Variants in HSP90AA1 observed in about 807,000 individuals in gnomAD.
HSP90AA1 encodes the protein heat shock protein HSP 90-alpha.
Under a neutral mutation model 73.3 loss-of-function variants are expected in HSP90AA1, and 18 were observed. The ratio of observed to expected loss-of-function variants is 0.25; its 90% CI spans 0.17 to 0.36. The LOEUF (loss-of-function observed/expected upper bound fraction) is 0.36, where lower values mean the gene tolerates loss of function less well. Among genes scored for constraint, HSP90AA1 ranks in the 10% least tolerant of loss-of-function variants. The pLI is 1.00. For synonymous variants in HSP90AA1, 477 were observed against 296.9 expected (o/e 1.61, Z -6.24); for missense variants, 704 against 874.2 (o/e 0.81, Z 2.45).
chr14:102,115,800 G>C lies in HSP90AA1; in HGVS notation c.156-13715C>G, dbSNP rs139956251. Among the ~76,000 whole-genome samples, 66 of 152,096 alleles carry C rather than the reference G, an allele frequency of 4.3e-4. 1 individual carries two copies. The highest frequency in any genetic ancestry group is 1.5e-3 in the African/African-American group (63 of 41,490). Reference sequence around the variant, plus strand: ...TCTAAAAAAAATTTTTTAGAGATGGGGTCTCCCTATGTTGTCTAGGCTAGC... The same window carrying C: ...TCTAAAAAAAATTTTTTAGAGATGGCGTCTCCCTATGTTGTCTAGGCTAGC... On this transcript the variant is annotated intron_variant, in intron 1 of 11. Coordinates refer to the HSP90AA1 transcript ENST00000334701.
At chr14:102,127,499 C>G (rs74438694) in intron 1 of HSP90AA1, among the ~76,000 whole-genome samples, 6,804 of 152,158 alleles carry the variant, frequency 0.045, 181 homozygotes, top group Middle Eastern at 0.068. Context: ...GGTTTGGAAC[C>G]CACATTTCAG....
At position 102,133,937 on chromosome 14, in the gene HSP90AA1, G is replaced by T. The variant is rs373566205; in HGVS notation, c.155+5313C>A. On this transcript the variant is annotated intron_variant, in intron 1 of 11. Transcript: ENST00000334701. ...AGGCAGAGGTGGGTTGATTGCTTGA[G>T]CCCAGGAGTTTGGGACCTGCCTGGC... 2.6e-5 allele frequency among the ~76,000 whole-genome samples: 4 copies of T among 152,150 alleles called. No individual in the cohort carries two copies. In the East Asian group the frequency reaches 7.7e-4, roughly 29 times the overall value.
chr14:102,109,927 G>A (rs2049616601), intron 1 of HSP90AA1, among the ~76,000 whole-genome samples: 2 of 152,042 alleles, frequency 1.3e-5, no homozygotes. Flanking sequence ...TGGAGCAAAG[G>A]TGACTCGTTA....
intron 2 of HSP90AA1, among the ~76,000 whole-genome samples, chr14:102,097,874 C>T (rs1338940619): frequency 6.6e-6 from 1 of 152,138 alleles, no homozygotes; most frequent in Non-Finnish European, 1.5e-5. Context: ...TGGGCTGGGC[C>T]TACCGGTCCT....
upstream of HSP90AA1, chr14:102,087,059 G>A (rs1186380722): frequency 5.1e-6 from 5 of 985,284 alleles, no homozygotes; most frequent in African/African-American, 5.2e-5. Context: ...CGCCACCCCC[G>A]CGCCTGCCTT....
At position 102,081,769 on chromosome 14, in the gene HSP90AA1, T is replaced by G. The variant is rs2152609482; in HGVS notation, c.2142A>C (p.Glu714Asp). 6.3e-7 allele frequency: 1 copy of G among 1,599,222 alleles called. No individual in the cohort carries two copies. The highest frequency in any genetic ancestry group is 2.2e-5 in the East Asian group (1 of 44,810). The change falls in exon 11 of 11, where the codon GAA becomes GAC. Residue 714 changes from glutamate (E) to aspartate (D), a missense_variant. Glu to Asp is a conservative substitution (Grantham distance 45). Coordinates refer to ENST00000216281, the MANE Select transcript of HSP90AA1 (RefSeq NM_005348.4). ...CATCTCCTTCAAGGGGTGGCATTTCTTCAGTTACAGCAGCACTGGTATCAT... is the reference window on the plus strand; with the variant it reads ...CATCTCCTTCAAGGGGTGGCATTTCGTCAGTTACAGCAGCACTGGTATCAT... ...TADDTSAAVTEEMPPLEGDDD... is the reference protein window; with the variant it reads ...TADDTSAAVTDEMPPLEGDDD...
At chr14:102,117,226 T>G (rs2049718406) in intron 1 of HSP90AA1, among the ~76,000 whole-genome samples, 1 of 152,014 alleles carries the variant, frequency 6.6e-6, no homozygotes, top group Non-Finnish European at 1.5e-5. Flanking sequence ...TTGTAGGAAG[T>G]AGACCGGCTC....
At chr14:102,119,500 G>C (rs1290904752) in intron 1 of HSP90AA1, among the ~76,000 whole-genome samples, 1 of 151,520 alleles carries the variant, frequency 6.6e-6, no homozygotes, top group Non-Finnish European at 1.5e-5. Flanking sequence ...TTGTTTGTTT[G>C]TTTTTTTGAG....
intron 1 of HSP90AA1, among the ~76,000 whole-genome samples, chr14:102,138,430 A>C (rs1196665903): frequency 1.3e-5 from 2 of 152,244 alleles, no homozygotes; most frequent in Non-Finnish European, 1.5e-5. Flanking sequence ...AAGTCGGATA[A>C]CATCAAAACA....
Position 102,082,093 on chromosome 14 carries a change from A to T in HSP90AA1, c.2089+18T>A. 1 of 1,507,916 alleles carries T rather than the reference A, an allele frequency of 6.6e-7. No homozygotes were observed. The highest frequency in any genetic ancestry group is 9.2e-7 in the Non-Finnish European group (1 of 1,083,896). 93.4% of individuals were successfully genotyped at this position (1,507,916 alleles called of 1,614,324 possible). On this transcript the variant is annotated intron_variant, in intron 10 of 10. Transcript: ENST00000216281. ...GTGTGTTTATTTTCTTTTTAACATT[A>T]CATAGTATAAGGCTTACCCAGACCA... is the stretch of plus-strand genomic sequence containing the variant.
chr14:102,087,739 C>T (rs1351195877), upstream of HSP90AA1, among the ~76,000 whole-genome samples: 1 of 152,134 alleles, frequency 6.6e-6, no homozygotes, highest in Non-Finnish European at 1.5e-5. Flanking sequence ...GCGCTCCCTA[C>T]TTTTGGGTTC....
At chr14:102,114,749 C>T (rs192737886) in intron 1 of HSP90AA1, among the ~76,000 whole-genome samples, 309 of 152,194 alleles carry the variant, frequency 2.0e-3, no homozygotes, top group Admixed American at 0.011. Context: ...ACTGTAATCC[C>T]GGCACTTTGG....
intron 3 of HSP90AA1, 147 bp downstream of exon 3, chr14:102,085,611 C>A: frequency 7.6e-7 from 1 of 1,313,626 alleles, no homozygotes. Context: ...CCAAGTCATG[C>A]CATTACACTA....
At chr14:102,082,927 CAT>C (rs1205356018) in intron 9 of HSP90AA1, 105 bp downstream of exon 9, 45 of 1,221,754 alleles carry the variant, frequency 3.7e-5, no homozygotes, top group South Asian at 1.2e-4. Flanking sequence ...CCACACACAA[CAT>C]AGTTTTCTGT....
chr14:102,081,982 AC>A, intron 10 of HSP90AA1, 128 bp downstream of exon 10: 1 of 791,764 alleles, frequency 1.3e-6, no homozygotes, highest in Non-Finnish European at 2.2e-6. Flanking sequence ...CCTAAAAAAA[AC>A]ATACTTTAAT....
chr14:102,081,867 C>T, intron 10 of HSP90AA1, 46 bp from the exon 11 acceptor site: 1 of 942,086 alleles, frequency 1.1e-6, no homozygotes, highest in Non-Finnish European at 1.8e-6. Flanking sequence ...TTCTTAAAGC[C>T]AGCTATTAGG....
exon 1 of HSP90AA1, chr14:102,139,346 C>A (rs749017778): frequency 6.2e-7 from 1 of 1,612,348 alleles, no homozygotes. Flanking sequence ...GGGACAGTCC[C>A]TGTCCCGAAG....
intron 1 of HSP90AA1, among the ~76,000 whole-genome samples, chr14:102,126,302 G>A (rs2049837847): frequency 6.6e-6 from 1 of 152,122 alleles, no homozygotes; most frequent in African/African-American, 2.4e-5. Context: ...TCAGTAAGGG[G>A]ACACGTGGAC....
intron 1 of HSP90AA1, among the ~76,000 whole-genome samples, chr14:102,105,372 T>C (rs1025406071): frequency 2.0e-5 from 3 of 152,066 alleles, no homozygotes; most frequent in African/African-American, 7.2e-5. Flanking sequence ...TTGTATACCC[T>C]GATGTAAAAT....
Sources: gnomAD v4.1 joint callset for allele counts (sites outside exome capture counted in the v4.1 genomes callset) on GRCh38, gnomAD v4.1.1 for gene constraint, MANE v1.5 for transcripts, NCBI Gene and HGNC (gene_info 2026-07-23, HGNC 2026-07-21) for gene names.